The following PCDHA6 variants were observed in gnomAD, a reference collection of about 807,000 sequenced individuals.
PCDHA6 encodes protocadherin alpha 6.
PCDHA6 carries 55 observed loss-of-function variants against 60.3 expected under a neutral mutation model. That is an observed-to-expected ratio of 0.91 (90% CI 0.73 to 1.14). The LOEUF (loss-of-function observed/expected upper bound fraction) is 1.14, where lower values mean the gene tolerates loss of function less well. Ranked by LOEUF, PCDHA6 falls within the 50% of genes most tolerant of loss-of-function variation. The pLI is 0.00. For synonymous variants in PCDHA6, 652 were observed against 557.9 expected, an observed-to-expected ratio of 1.17 and a Z score of -2.38; for missense variants, 1,327 against 1,256.5, an observed-to-expected ratio of 1.06 and a Z score of -0.85.
intron 1 of PCDHA6, chr5:140,841,656 G>A (rs2150320289): frequency 6.2e-7 from 1 of 1,614,162 alleles, no homozygotes; most frequent in Admixed American, 1.7e-5. Context: ...ATCGTGGACA[G>A]GCCGCTGCAG....
intron 1 of PCDHA6, chr5:140,968,393 C>T (rs747934843): frequency 1.8e-5 from 29 of 1,613,976 alleles, no homozygotes; most frequent in East Asian, 2.2e-5. Context: ...TGAGAAGTTT[C>T]GGGAGTTCTT....
intron 1 of PCDHA6, chr5:140,884,177 C>G (rs1405519238): frequency 1.9e-6 from 3 of 1,613,322 alleles, no homozygotes; most frequent in South Asian, 1.1e-5. Flanking sequence ...GACGCGCCCT[C>G]TGGACGAGGT....
chr5:140,949,068 CTT>C (rs1199095008), intron 1 of PCDHA6, among the ~76,000 whole-genome samples: 2 of 151,676 alleles, frequency 1.3e-5, no homozygotes, highest in African/African-American at 4.8e-5. Context: ...TGATTTAACT[CTT>C]TCACCCATTT....
chr5:141,003,520 C>T (rs1171208921), intron 3 of PCDHA6, among the ~76,000 whole-genome samples: 2 of 152,126 alleles, frequency 1.3e-5, no homozygotes, highest in Admixed American at 6.5e-5. Flanking sequence ...ACCATGTTCC[C>T]TAGGCTGGTC....
intron 1 of PCDHA6, 139 bp from the exon 2 acceptor site, chr5:140,978,808 TAG>T: frequency 6.7e-7 from 1 of 1,496,146 alleles, no homozygotes; most frequent in Non-Finnish European, 8.9e-7. Flanking sequence ...GATATCATCA[TAG>T]AGTTACACAT....
chr5:140,867,596 G>C (rs1388910756), intron 1 of PCDHA6: 2 of 152,076 alleles, frequency 1.3e-5, no homozygotes, highest in African/African-American at 2.4e-5. Context: ...TTAGATTGGA[G>C]ATAAACCATC....
chr5:140,841,299 C>G (rs2150312843), intron 1 of PCDHA6: 11 of 1,365,702 alleles, frequency 8.1e-6, no homozygotes, highest in East Asian at 5.9e-5. Flanking sequence ...ATAATATTTT[C>G]TGATAGGAAA....
intron 1 of PCDHA6, among the ~76,000 whole-genome samples, chr5:140,844,931 A>C (rs1262967576): frequency 6.7e-6 from 1 of 149,362 alleles, no homozygotes; most frequent in Non-Finnish European, 1.5e-5. Flanking sequence ...GAAGGGAATG[A>C]ACGATTTCTG....
chr5:140,921,587 A>G (rs970982898), intron 1 of PCDHA6, among the ~76,000 whole-genome samples: 2 of 152,228 alleles, frequency 1.3e-5, no homozygotes, highest in Non-Finnish European at 2.9e-5. Context: ...ATACTATATT[A>G]TGGTTTCAAA....
At chr5:140,923,045 T>C (rs1554201134) in intron 1 of PCDHA6, among the ~76,000 whole-genome samples, 1 of 152,226 alleles carries the variant, frequency 6.6e-6, no homozygotes, top group Non-Finnish European at 1.5e-5. Context: ...ATGTATAGTA[T>C]TTAGAATAAA....
At chr5:140,856,574 T>C in intron 1 of PCDHA6, 1 of 1,597,714 alleles carries the variant, frequency 6.3e-7, no homozygotes, top group Non-Finnish European at 8.6e-7. Flanking sequence ...TCCAAATGAG[T>C]ATTTTGTTCT....
In PCDHA6 at chr5:140,829,581, G is replaced by T. The variant is rs143213882; in HGVS notation, c.1490G>T (p.Arg497Leu). 2.4e-5 allele frequency: 38 copies of T among 1,612,162 alleles called. No individual in the cohort carries two copies. The highest frequency in any genetic ancestry group is 1.6e-4 in the African/African-American group (12 of 74,888). Residue 497 changes from arginine (R) to leucine (L), a missense_variant, in exon 1 of 4, where the codon CGG (arginine) becomes CTG (leucine). Physicochemically the swap from Arg to Leu is moderately radical, Grantham distance 102. Coordinates refer to ENST00000529310, the MANE Select transcript of PCDHA6 (RefSeq NM_018909.4). ...NALVSYSLVE[R>L]RVGERALSSY... is the part of the protein sequence containing the mutation. Reference sequence around the variant, plus strand: ...CTGGTGTCCTACTCGCTGGTGGAGCGGCGGGTGGGCGAGCGCGCGTTGTCG... The same window carrying T: ...CTGGTGTCCTACTCGCTGGTGGAGCTGCGGGTGGGCGAGCGCGCGTTGTCG...
chr5:140,919,120 C>G (rs1554198933), intron 1 of PCDHA6, among the ~76,000 whole-genome samples: 2 of 152,008 alleles, frequency 1.3e-5, no homozygotes, highest in African/African-American at 4.8e-5. Context: ...CCAGTTTTTG[C>G]TTCATGTGTT....
chr5:140,884,444 C>G (rs1186302015), intron 1 of PCDHA6: 1 of 1,613,776 alleles, frequency 6.2e-7, no homozygotes, highest in East Asian at 2.2e-5. Flanking sequence ...GTGCTCGGCA[C>G]CGCCCACCGA....
intron 1 of PCDHA6, among the ~76,000 whole-genome samples, chr5:140,887,337 C>T (rs2153419784): frequency 6.6e-6 from 1 of 152,268 alleles, no homozygotes; most frequent in East Asian, 1.9e-4. Flanking sequence ...ACCTCGTGAT[C>T]CACCTGGCTC....
chr5:140,843,196 G>A (rs2150355144), intron 1 of PCDHA6: 4 of 1,595,956 alleles, frequency 2.5e-6, no homozygotes, highest in Non-Finnish European at 3.4e-6. Flanking sequence ...TCCGCGTGGG[G>A]CTGTACACGG....
At chr5:140,993,817 T>C (rs1467199618) in intron 3 of PCDHA6, among the ~76,000 whole-genome samples, 2 of 152,240 alleles carry the variant, frequency 1.3e-5, no homozygotes, top group Non-Finnish European at 2.9e-5. Context: ...CTAGGAGCAA[T>C]AGGCTATACC....
intron 1 of PCDHA6, among the ~76,000 whole-genome samples, chr5:140,890,883 G>T (rs1339331273): frequency 1.3e-5 from 2 of 152,064 alleles, no homozygotes; most frequent in Non-Finnish European, 2.9e-5. Flanking sequence ...CCTTTCATCA[G>T]GGATTATTGT....
intron 3 of PCDHA6, among the ~76,000 whole-genome samples, chr5:141,006,067 A>T (rs1202024176): frequency 3.3e-5 from 5 of 151,950 alleles, no homozygotes; most frequent in African/African-American, 1.2e-4. Context: ...AGAAATAAAA[A>T]TCAGATTATT....
Sources: gnomAD v4.1 joint callset for allele counts (sites outside exome capture counted in the v4.1 genomes callset) on GRCh38, gnomAD v4.1.1 for gene constraint, MANE v1.5 for transcripts, NCBI Gene and HGNC (gene_info 2026-07-23, HGNC 2026-07-21) for gene names.